Variants in RGL1 observed in about 807,000 individuals in gnomAD.
The protein encoded by RGL1 is ral guanine nucleotide dissociation stimulator-like 1.
RGL1 carries 24 observed loss-of-function variants against 95.2 expected under a neutral mutation model. The observed-to-expected ratio is 0.25, with a 90% CI of 0.18 to 0.35. The LOEUF (loss-of-function observed/expected upper bound fraction) is 0.35, where lower values mean the gene tolerates loss of function less well. RGL1 is among the 10% of genes least tolerant of loss of function. RGL1 has a pLI of 1.00. For missense variants in RGL1, 715 were observed against 936.3 expected (o/e 0.76, Z 3.08); for synonymous variants, 329 against 344.9 (o/e 0.95, Z 0.51).
At chr1:183,889,735 T>G (rs897600479) in intron 8 of RGL1, among the ~76,000 whole-genome samples, 1 of 151,990 alleles carries the variant, frequency 6.6e-6, no homozygotes, top group Non-Finnish European at 1.5e-5. Flanking sequence ...AAGAAAAAAA[T>G]AAAGTGGATG....
At chr1:183,786,296 C>T (rs1339830685) in intron 2 of RGL1, among the ~76,000 whole-genome samples, 1 of 152,078 alleles carries the variant, frequency 6.6e-6, no homozygotes, top group Non-Finnish European at 1.5e-5. Flanking sequence ...TCTAGTTATT[C>T]AGGAGACTGA....
intron 2 of RGL1, among the ~76,000 whole-genome samples, chr1:183,774,713 G>GGC (rs1374712435): frequency 6.6e-6 from 1 of 151,406 alleles, no homozygotes; most frequent in African/African-American, 2.4e-5. Context: ...GTAGCTGGGA[G>GGC]TACAGGCGCA....
At chr1:183,725,099 T>G (rs756977611) in intron 1 of RGL1, among the ~76,000 whole-genome samples, 8 of 152,064 alleles carry the variant, frequency 5.3e-5, no homozygotes, top group Non-Finnish European at 1.2e-4. Context: ...CCAAATCTTA[T>G]CCAAGATCAT....
At chr1:183,647,851 T>C (rs560047196) in intron 1 of RGL1, 11 of 1,614,196 alleles carry the variant, frequency 6.8e-6, no homozygotes, top group African/African-American at 4.0e-5. Context: ...CTGGGTTTAT[T>C]TGGGTTTTGG....
At chr1:183,748,152 C>G (rs1228016700) in intron 2 of RGL1, among the ~76,000 whole-genome samples, 1 of 152,062 alleles carries the variant, frequency 6.6e-6, no homozygotes. Flanking sequence ...GTTTGTATTT[C>G]TGTGGGATCA....
intron 1 of RGL1, among the ~76,000 whole-genome samples, chr1:183,665,682 T>G (rs1477591713): frequency 2.0e-5 from 3 of 152,202 alleles, no homozygotes; most frequent in Non-Finnish European, 4.4e-5. Context: ...TTGTTCATCA[T>G]GCTCCTTGAT....
chr1:183,839,733 G>T (rs6703422), intron 2 of RGL1, among the ~76,000 whole-genome samples: 1 of 152,054 alleles, frequency 6.6e-6, no homozygotes, highest in Non-Finnish European at 1.5e-5. Flanking sequence ...CCATAATCAG[G>T]TAGTCTCCTG....
At chr1:183,644,419 G>A (rs1160331066) in intron 1 of RGL1, among the ~76,000 whole-genome samples, 1 of 151,994 alleles carries the variant, frequency 6.6e-6, no homozygotes, top group Non-Finnish European at 1.5e-5. Flanking sequence ...CTCAATGTTA[G>A]TAATAATGAT....
Position 183,902,569 on chromosome 1 carries a change from G to T in RGL1, c.1319G>T (p.Gly440Val), listed in dbSNP as rs756562555. 25 of 1,610,536 alleles carry T rather than the reference G, an allele frequency of 1.6e-5. No homozygotes were observed. The Admixed American group carries it at 4.2e-4, about 27-fold the overall frequency. Residue 440 changes from glycine to valine, a missense_variant and splice_region_variant, in exon 12 of 18, where the codon GGT (glycine) becomes GTT (valine). Around this residue, in one of 3 missense-constraint regions of RGL1, gnomAD observed 330 missense variants for 429.6 expected, o/e 0.77. Transcript: ENST00000360851. ...TCTTTTTATTAAAATTTCTTTTAGG[G>T]TGGACTGATAAACTTTGAGAAAAGG... is the stretch of plus-strand genomic sequence containing the variant. ...LDTALQDYIE[G>V]GLINFEKRRR...
At chr1:183,700,504 AC>A (rs1654526937) in intron 1 of RGL1, among the ~76,000 whole-genome samples, 1 of 150,950 alleles carries the variant, frequency 6.6e-6, no homozygotes. Context: ...ACATAGGTAT[AC>A]GTGTTCCATG....
chr1:183,782,442 C>T (rs12022145), intron 2 of RGL1, among the ~76,000 whole-genome samples: 2 of 152,314 alleles, frequency 1.3e-5, no homozygotes, highest in East Asian at 1.9e-4. Flanking sequence ...CACTTTGAAG[C>T]GTGTTCAATC....
At chr1:183,864,204 C>T (rs1204876952) in intron 3 of RGL1, among the ~76,000 whole-genome samples, 1 of 152,094 alleles carries the variant, frequency 6.6e-6, no homozygotes, top group African/African-American at 2.4e-5. Context: ...TGTATCTTTC[C>T]CTGGTGTTTT....
At chr1:183,743,982 G>A (rs1657467924) in intron 2 of RGL1, among the ~76,000 whole-genome samples, 1 of 152,166 alleles carries the variant, frequency 6.6e-6, no homozygotes, top group South Asian at 2.1e-4. Flanking sequence ...ACTGCTCAGG[G>A]TGCCAATCCT....
chr1:183,815,914 T>C (rs1662055357), intron 2 of RGL1, among the ~76,000 whole-genome samples: 1 of 152,168 alleles, frequency 6.6e-6, no homozygotes. Context: ...GGTGGCTTTC[T>C]TACATGGACC....
At chr1:183,853,432 A>G (rs187085186) in intron 3 of RGL1, among the ~76,000 whole-genome samples, 55 of 152,324 alleles carry the variant, frequency 3.6e-4, no homozygotes, top group African/African-American at 9.4e-4. Flanking sequence ...CACACTATGG[A>G]AAGCACTGAG....
chr1:183,738,671 C>T (rs1657096899), intron 1 of RGL1, among the ~76,000 whole-genome samples: 1 of 152,034 alleles, frequency 6.6e-6, no homozygotes, highest in Admixed American at 6.6e-5. Flanking sequence ...GAGGCTGAGG[C>T]AGGTGGATAA....
In RGL1 at chr1:183,729,184, ATG is replaced by A. The variant is rs61621950; in HGVS notation, c.-32-12920_-32-12919del. 3.5e-3 allele frequency among the ~76,000 whole-genome samples: 534 copies of A among 150,442 alleles called. 2 individuals carry two copies. The highest frequency in any genetic ancestry group is 4.3e-3 in the Admixed American group (65 of 15,116). ...TAGACCTCAGACAGATAAAATATAT[ATG>A]TGTGTGTGTGTGTGTGTGTGTATAC... is the stretch of plus-strand genomic sequence containing the variant. On this transcript the variant is annotated intron_variant, in intron 1 of 18. Coordinates refer to the RGL1 transcript ENST00000304685.
intron 1 of RGL1, among the ~76,000 whole-genome samples, chr1:183,671,226 T>C (rs1053285645): frequency 1.3e-5 from 2 of 152,176 alleles, no homozygotes; most frequent in Non-Finnish European, 2.9e-5. Context: ...ATTATGGGGA[T>C]TACAATTCAA....
At chr1:183,878,409 G>A (rs565287963) in intron 4 of RGL1, among the ~76,000 whole-genome samples, 1 of 152,086 alleles carries the variant, frequency 6.6e-6, no homozygotes, top group African/African-American at 2.4e-5. Flanking sequence ...CGTTGCCCTA[G>A]CTGGTCTCGA....
Sources: gnomAD v4.1 joint callset for allele counts (sites outside exome capture counted in the v4.1 genomes callset) on GRCh38, gnomAD v4.1.1 for gene constraint, gnomAD v4.1.1 regional missense constraint, MANE v1.5 for transcripts, NCBI Gene and HGNC (gene_info 2026-07-23, HGNC 2026-07-21) for gene names.